Variants in SFMBT1 observed in about 807,000 individuals in gnomAD.
The protein encoded by SFMBT1 is scm-like with four MBT domains protein 1.
In SFMBT1, 32 loss-of-function variants were observed where a neutral mutation model predicts 108.7. The ratio of observed to expected loss-of-function variants is 0.29; its 90% CI spans 0.22 to 0.40. SFMBT1 has a LOEUF of 0.40. SFMBT1 is among the 10% of genes least tolerant of loss of function. The probability of loss-of-function intolerance (pLI) is 1.00; values close to 1 mark genes in which losing one functional copy is unlikely to be tolerated. For synonymous variants in SFMBT1, 348 were observed against 369.5 expected (o/e 0.94, Z 0.67); for missense variants, 816 against 1,059.6 (o/e 0.77, Z 3.19).
chr3:52,940,465 G>T (rs938165379), intron 4 of SFMBT1, among the ~76,000 whole-genome samples: 1 of 152,100 alleles, frequency 6.6e-6, no homozygotes, highest in Admixed American at 6.5e-5. Context: ...AGGATCAAAA[G>T]AAATATAAAG....
chr3:53,028,682 A>G (rs1306566521), intron 1 of SFMBT1, among the ~76,000 whole-genome samples: 1 of 152,022 alleles, frequency 6.6e-6, no homozygotes, highest in African/African-American at 2.4e-5. Context: ...GCAAGACCCC[A>G]TCTTAAAAAA....
At chr3:52,965,702 C>A (rs916180384) in intron 2 of SFMBT1, among the ~76,000 whole-genome samples, 13 of 152,100 alleles carry the variant, frequency 8.5e-5, no homozygotes, top group Middle Eastern at 3.2e-3. Flanking sequence ...CACTACTAGA[C>A]CTCCTTTAAA....
intron 1 of SFMBT1, among the ~76,000 whole-genome samples, chr3:53,028,359 G>A (rs1699566400): frequency 6.6e-6 from 1 of 152,222 alleles, no homozygotes; most frequent in Non-Finnish European, 1.5e-5. Context: ...TGGGATTACA[G>A]GCATGAGCCA....
chr3:52,995,848 G>C (rs1276031736), intron 1 of SFMBT1, among the ~76,000 whole-genome samples: 4 of 149,650 alleles, frequency 2.7e-5, no homozygotes, highest in Non-Finnish European at 6.0e-5. Context: ...GAGGCGGGTG[G>C]ATCACCTCAG....
At chr3:52,985,960 T>C (rs528152008) in intron 1 of SFMBT1, among the ~76,000 whole-genome samples, 3 of 152,014 alleles carry the variant, frequency 2.0e-5, no homozygotes, top group Non-Finnish European at 4.4e-5. Context: ...CTGGCCAACA[T>C]GGTGAAACCC....
At chr3:52,996,206 CTT>C (rs35167235) in intron 1 of SFMBT1, among the ~76,000 whole-genome samples, 6 of 88,122 alleles carry the variant, frequency 6.8e-5, no homozygotes, top group African/African-American at 1.4e-4. Flanking sequence ...ATAAACAATC[CTT>C]TTTTTTTTTT....
intron 3 of SFMBT1, among the ~76,000 whole-genome samples, chr3:52,950,872 G>T (rs1703557087): frequency 6.6e-6 from 1 of 152,018 alleles, no homozygotes; most frequent in Non-Finnish European, 1.5e-5. Context: ...CCAGCATTTT[G>T]GGAGGCCAAG....
At chr3:52,928,596 A>G (rs561630489) in intron 8 of SFMBT1, 1 of 130,410 alleles carries the variant, frequency 7.7e-6, no homozygotes, top group East Asian at 2.1e-4. Context: ...ATATACATAT[A>G]TATACATATA....
intron 1 of SFMBT1, among the ~76,000 whole-genome samples, chr3:52,970,327 C>T (rs1704292250): frequency 6.6e-6 from 1 of 152,164 alleles, no homozygotes; most frequent in Non-Finnish European, 1.5e-5. Flanking sequence ...TTTGTCTCTA[C>T]AGATTTTGCC....
At chr3:52,992,948 G>A (rs1298386156) in intron 1 of SFMBT1, among the ~76,000 whole-genome samples, 1 of 152,140 alleles carries the variant, frequency 6.6e-6, no homozygotes, top group African/African-American at 2.4e-5. Context: ...GAATGAAACT[G>A]ATCAGGAGTA....
intron 2 of SFMBT1, among the ~76,000 whole-genome samples, chr3:52,957,784 C>T (rs2106839289): frequency 6.6e-6 from 1 of 152,260 alleles, no homozygotes. Flanking sequence ...GGGATTCCTT[C>T]CTTACACCTA....
intron 2 of SFMBT1, among the ~76,000 whole-genome samples, chr3:52,960,763 A>G (rs1211950454): frequency 6.6e-6 from 1 of 152,226 alleles, no homozygotes; most frequent in Non-Finnish European, 1.5e-5. Flanking sequence ...GAGGCAACCC[A>G]AGTGTCCATC....
At chr3:52,907,780 T>G in intron 17 of SFMBT1, 47 bp from the exon 18 acceptor site, 1 of 1,536,890 alleles carries the variant, frequency 6.5e-7, no homozygotes, top group Middle Eastern at 1.8e-4. Flanking sequence ...ATTATTTTTG[T>G]GTACCTCAAA....
chr3:52,987,572 T>A (rs2581821), intron 1 of SFMBT1, among the ~76,000 whole-genome samples: 2 of 152,212 alleles, frequency 1.3e-5, no homozygotes, highest in East Asian at 3.9e-4. Flanking sequence ...AACCCTCATC[T>A]GATCCCAAGC....
chr3:52,967,550 G>T (rs1704188107), intron 2 of SFMBT1, among the ~76,000 whole-genome samples: 1 of 152,080 alleles, frequency 6.6e-6, no homozygotes, highest in Admixed American at 6.6e-5. Flanking sequence ...TGATTTTATG[G>T]TATGTGTATT....
In SFMBT1 at chr3:53,046,015, T is replaced by A. The variant is rs1232508742; in HGVS notation, c.-330A>T. On this transcript the variant is annotated 5_prime_UTR_variant, in exon 1 of 21. Coordinates refer to ENST00000394752, the MANE Select transcript of SFMBT1 (RefSeq NM_016329.4). The stretch of plus-strand genomic sequence containing the variant: ...CGGCCGGCAGCTCTCCCCGCCCCCC[T>A]CCACCCGCGCTCCGGCGGAGGCGGC... 6.7e-6 allele frequency: 1 copy of A among 148,902 alleles called. No individual in the cohort carries two copies. The highest frequency in any genetic ancestry group is 1.5e-5 in the Non-Finnish European group (1 of 67,386). 9.2% of individuals were successfully genotyped at this position (148,902 alleles called of 1,614,324 possible). A position where few individuals can be genotyped will look rare whatever the true frequency, so the allele number is the denominator to read the frequency against.
At chr3:52,982,404 C>T (rs993594180) in intron 1 of SFMBT1, among the ~76,000 whole-genome samples, 8 of 152,086 alleles carry the variant, frequency 5.3e-5, no homozygotes, top group Admixed American at 2.0e-4. Context: ...GTTGTAGATA[C>T]GGCCAAAAAG....
At chr3:52,921,593 A>C in intron 11 of SFMBT1, 112 bp downstream of exon 11, 5 of 1,211,782 alleles carry the variant, frequency 4.1e-6, no homozygotes, top group Non-Finnish European at 5.7e-6. Flanking sequence ...AAGTCTCTGA[A>C]CAAGATCCCT....
intron 8 of SFMBT1, chr3:52,928,637 C>CATATATACATATATATACATATAT (rs1559514046): frequency 8.9e-5 from 7 of 78,462 alleles, no homozygotes; most frequent in African/African-American, 2.5e-4. Context: ...CATATATATA[C>CATATATACATATATATACATATAT]ATATATATAT....
Sources: allele counts gnomAD v4.1 joint callset (sites outside exome capture counted in the v4.1 genomes callset), GRCh38; gene constraint gnomAD v4.1.1; transcripts MANE v1.5; gene names NCBI Gene and HGNC (gene_info 2026-07-23, HGNC 2026-07-21).